The following TMEFF2 variants were observed in gnomAD, a reference collection of about 807,000 sequenced individuals.
TMEFF2 encodes tomoregulin-2.
TMEFF2 carries 28 observed loss-of-function variants against 53.8 expected under a neutral mutation model. The ratio of observed to expected loss-of-function variants is 0.52; its 90% CI spans 0.39 to 0.71. The LOEUF (loss-of-function observed/expected upper bound fraction) is 0.71. Among genes scored for constraint, TMEFF2 ranks in the 30% least tolerant of loss-of-function variants. TMEFF2 has a pLI of 0.00. For synonymous variants in TMEFF2, 162 were observed against 166.3 expected (o/e 0.97, Z 0.20); for missense variants, 353 against 455.2 (o/e 0.78, Z 2.04).
At chr2:192,131,861 G>A (rs746135751) in intron 4 of TMEFF2, among the ~76,000 whole-genome samples, 7 of 151,992 alleles carry the variant, frequency 4.6e-5, no homozygotes, top group Non-Finnish European at 8.8e-5. Flanking sequence ...GCCGGAAAAC[G>A]GCACTTTCAA....
intron 5 of TMEFF2, among the ~76,000 whole-genome samples, chr2:192,023,879 T>C (rs7423371): frequency 0.98 from 149,333 of 152,242 alleles, 73,309 homozygotes; most frequent in East Asian, 1. Context: ...TTTAGCAACT[T>C]TCATTGAGTA....
At chr2:191,955,513 G>A (rs985176587) in intron 8 of TMEFF2, among the ~76,000 whole-genome samples, 1 of 63,340 alleles carries the variant, frequency 1.6e-5, no homozygotes, top group African/African-American at 6.0e-5. Flanking sequence ...ACCGTGCCTG[G>A]CTAATTCTTA....
chr2:192,075,285 TTATATATATATATATATATATATATA>T lies in TMEFF2; in HGVS notation c.440-17536_440-17511del, dbSNP rs111733023. Among the ~76,000 whole-genome samples the T allele has an allele frequency of 8.8e-4, 58 of 65,720 alleles. 1 individual carries two copies. The highest frequency in any genetic ancestry group is 1.0e-3 in the Admixed American group (5 of 5,018). The allele number at this position is 65,720 out of a possible 152,430, so 43.1% of individuals were successfully genotyped here. ...TTATTATACCCAGAGTACAGTACTA[TTATATATATATATATATATATATATA>T]TATATATATATATATATATATACAT... On this transcript the variant is annotated intron_variant, in intron 4 of 9. Coordinates refer to ENST00000272771, the MANE Select transcript of TMEFF2 (RefSeq NM_016192.4).
intron 7 of TMEFF2, among the ~76,000 whole-genome samples, chr2:191,976,340 C>G (rs961961923): frequency 3.3e-5 from 5 of 152,162 alleles, no homozygotes; most frequent in African/African-American, 4.8e-5. Context: ...AAATAATCAG[C>G]ACTTAATAAA....
At chr2:192,058,659 T>C (rs538528388) in intron 4 of TMEFF2, among the ~76,000 whole-genome samples, 2 of 152,278 alleles carry the variant, frequency 1.3e-5, no homozygotes, top group Admixed American at 6.5e-5. Context: ...GTTAAAAATA[T>C]ATAGTTGAAA....
intron 7 of TMEFF2, among the ~76,000 whole-genome samples, chr2:191,965,393 A>G (rs1018367075): frequency 1.3e-5 from 2 of 152,094 alleles, no homozygotes; most frequent in African/African-American, 4.8e-5. Flanking sequence ...CTACATTTCT[A>G]CTGCTACTCA....
chr2:191,994,751 G>A (rs1246918743), intron 7 of TMEFF2, among the ~76,000 whole-genome samples: 1 of 151,928 alleles, frequency 6.6e-6, no homozygotes, highest in African/African-American at 2.4e-5. Context: ...GAATCTTTCT[G>A]TGGGTGTAGA....
intron 5 of TMEFF2, among the ~76,000 whole-genome samples, chr2:192,052,763 C>T (rs1447596343): frequency 6.6e-6 from 1 of 152,096 alleles, no homozygotes; most frequent in Non-Finnish European, 1.5e-5. Flanking sequence ...TCCCTTTCTT[C>T]TTCTCTTAAC....
rs994923338 is a variant in TMEFF2, at chr2:192,091,464, C to T, written c.440-33689G>A. Reference sequence around the variant, plus strand: ...AGGAAAGAAAAGCGTTGAATATTTGCTTTCTAAAAGAGAGAAAGAAAAACA... The same window carrying T: ...AGGAAAGAAAAGCGTTGAATATTTGTTTTCTAAAAGAGAGAAAGAAAAACA... On this transcript the variant is annotated intron_variant, in intron 4 of 9. Transcript: ENST00000272771. Among the ~76,000 whole-genome samples, 19 of 152,116 alleles carry T rather than the reference C, an allele frequency of 1.2e-4. 1 individual carries two copies. Among genetic ancestry groups the T allele is most frequent in the Admixed American group, 3.3e-4 (5 of 15,252 alleles).
chr2:192,043,770 C>T (rs544848860), intron 5 of TMEFF2: 2 of 152,352 alleles, frequency 1.3e-5, no homozygotes, highest in Non-Finnish European at 2.9e-5. Flanking sequence ...GTGGAAGCTG[C>T]TAAAACTGCA....
At position 191,949,572 on chromosome 2, in the gene TMEFF2, C is replaced by T. The variant is rs1691806439; in HGVS notation, c.*739G>A. ...CACTCTGTGTATACCTAGTATGTAACTTGTTCAGTAAGTTCAGATATATGC... is the reference window on the plus strand; with the variant it reads ...CACTCTGTGTATACCTAGTATGTAATTTGTTCAGTAAGTTCAGATATATGC... On this transcript the variant is annotated 3_prime_UTR_variant, in exon 10 of 10. Coordinates refer to ENST00000272771, the MANE Select transcript of TMEFF2 (RefSeq NM_016192.4). The T allele has an allele frequency of 1.0e-6, 1 of 985,222 alleles. No homozygotes were observed. Among genetic ancestry groups the T allele is most frequent in the African/African-American group, 1.7e-5 (1 of 57,204 alleles). 61.0% of individuals were successfully genotyped at this position (985,222 alleles called of 1,614,324 possible).
chr2:192,028,550 C>T (rs1201271277), intron 5 of TMEFF2: 1 of 151,784 alleles, frequency 6.6e-6, no homozygotes, highest in African/African-American at 2.4e-5. Flanking sequence ...GATTAGCCAA[C>T]CATTTATACT....
At chr2:192,117,491 T>C (rs6434536) in intron 4 of TMEFF2, among the ~76,000 whole-genome samples, 90,037 of 151,850 alleles carry the variant, frequency 0.59, 26,875 homozygotes, top group East Asian at 0.72. Context: ...GAGTGAGAAG[T>C]ACTTAAGTTA....
chr2:192,040,136 A>G (rs1271396621), intron 5 of TMEFF2, among the ~76,000 whole-genome samples: 1 of 152,112 alleles, frequency 6.6e-6, no homozygotes, highest in Non-Finnish European at 1.5e-5. Flanking sequence ...CAGAACTGGT[A>G]AAAGTATTTC....
intron 4 of TMEFF2, among the ~76,000 whole-genome samples, chr2:192,155,484 C>T (rs895156787): frequency 4.0e-5 from 6 of 151,836 alleles, no homozygotes; most frequent in Admixed American, 2.0e-4. Flanking sequence ...AGATTTTTAT[C>T]CAACTTAGAC....
At chr2:191,957,420 G>A (rs1692138624) in intron 7 of TMEFF2, among the ~76,000 whole-genome samples, 1 of 152,086 alleles carries the variant, frequency 6.6e-6, no homozygotes, top group Admixed American at 6.5e-5. Context: ...CAGCAGTAAT[G>A]GAAAATGGCA....
chr2:192,072,867 A>C (rs1688323576), intron 4 of TMEFF2, among the ~76,000 whole-genome samples: 1 of 151,790 alleles, frequency 6.6e-6, no homozygotes, highest in South Asian at 2.1e-4. Flanking sequence ...TTTCAGGAAA[A>C]CCACCTCTAT....
rs1016181451 is a variant in TMEFF2 at position 192,024,662 on chromosome 2, A to G, written c.537-25454T>C. On this transcript the variant is annotated intron_variant, in intron 5 of 9. Coordinates refer to ENST00000272771, the MANE Select transcript of TMEFF2 (RefSeq NM_016192.4). ...TGTTTCATGAGAGTTTTTCCCCATT[A>G]AGGGATAAGGAAGATGAATGCCAGA... 8.5e-5 allele frequency among the ~76,000 whole-genome samples: 13 copies of G among 152,320 alleles called. No homozygotes were observed. The East Asian group carries it at 2.5e-3, about 29-fold the overall frequency.
chr2:191,984,132 T>TTAAAG (rs1361551732), intron 7 of TMEFF2, among the ~76,000 whole-genome samples: 21 of 152,220 alleles, frequency 1.4e-4, no homozygotes, highest in African/African-American at 4.8e-4. Flanking sequence ...ATTTTTCTTT[T>TTAAAG]TAAAGTAATA....
Sources: gnomAD v4.1 joint callset for allele counts (sites outside exome capture counted in the v4.1 genomes callset) on GRCh38, gnomAD v4.1.1 for gene constraint, MANE v1.5 for transcripts, NCBI Gene and HGNC (gene_info 2026-07-23, HGNC 2026-07-21) for gene names.